The following USP24 variants were observed in gnomAD, a reference collection of about 807,000 sequenced individuals.
USP24 encodes the protein ubiquitin specific peptidase 24, also known as ubiquitin carboxyl-terminal hydrolase 24.
USP24 carries 97 observed loss-of-function variants against 361.6 expected under a neutral mutation model. The ratio of observed to expected loss-of-function variants is 0.27; its 90% CI spans 0.23 to 0.32. USP24 has a LOEUF of 0.32. USP24 is among the 10% of genes least tolerant of loss of function. The pLI is 1.00. For synonymous variants in USP24, 1,098 were observed against 1,124.6 expected (o/e 0.98, Z 0.47); for missense variants, 2,353 against 3,165.6 (o/e 0.74, Z 6.16).
chr1:55,157,385 T>G lies in USP24; in HGVS notation c.1228-15A>C. 1 of 1,399,506 alleles carries G rather than the reference T, an allele frequency of 7.1e-7. No individual in the cohort carries two copies. Among genetic ancestry groups the G allele is most frequent in the Non-Finnish European group, 9.9e-7 (1 of 1,011,804 alleles). The allele number at this position is 1,399,506 out of a possible 1,614,324, so 86.7% of individuals were successfully genotyped here. A position where few individuals can be genotyped will look rare whatever the true frequency, so the allele number is the denominator to read the frequency against. On this transcript the variant is annotated splice_polypyrimidine_tract_variant and intron_variant, in intron 10 of 67. Coordinates refer to ENST00000294383, the MANE Select transcript of USP24 (RefSeq NM_015306.3). ...AGTTTGGTTACCTAAAAAGATAAGA[T>G]TATTGTGACTGAGTCTAATATACAT...
intron 38 of USP24, among the ~76,000 whole-genome samples, chr1:55,113,211 TCC>T (rs1646006419): frequency 6.6e-6 from 1 of 151,924 alleles, no homozygotes; most frequent in Non-Finnish European, 1.5e-5. Flanking sequence ...TCACCACTGA[TCC>T]CACAGAAACA....
chr1:55,206,954 C>G (rs1326428802), intron 1 of USP24, among the ~76,000 whole-genome samples: 1 of 152,050 alleles, frequency 6.6e-6, no homozygotes, highest in African/African-American at 2.4e-5. Flanking sequence ...ATCGCCTGAG[C>G]TGAGGAGTTC....
intron 28 of USP24, 44 bp from the exon 29 acceptor site, chr1:55,134,457 T>C: frequency 6.6e-7 from 1 of 1,510,860 alleles, no homozygotes; most frequent in East Asian, 2.3e-5. Flanking sequence ...TACAAAAGAA[T>C]GTTCTCCTTT....
At position 55,215,281 on chromosome 1, in the gene USP24, T is replaced by C. The variant is rs1569865674; in HGVS notation, c.-168A>G. 6.6e-6 allele frequency among the ~76,000 whole-genome samples: 1 copy of C among 151,368 alleles called. No homozygotes were observed. The highest frequency in any genetic ancestry group is 6.6e-5 in the Admixed American group (1 of 15,240). ...GGGCCAGGCTGGGTGCGGGCTTGGG[T>C]CCTGCGAGCCGAGCTAGTGCGGTGA... is the stretch of plus-strand genomic sequence containing the variant. On this transcript the variant is annotated 5_prime_UTR_variant, in exon 1 of 68. Transcript: ENST00000294383.
chr1:55,079,802 A>ACAGAGTACTCACACAGAGTACTCG, intron 59 of USP24, 143 bp from the exon 60 acceptor site: 1 of 807,396 alleles, frequency 1.2e-6, no homozygotes, highest in Non-Finnish European at 1.7e-6. Flanking sequence ...CTGAGTACTC[A>ACAGAGTACTCACACAGAGTACTCG]CACACTGAGT....
chr1:55,171,750 G>A, intron 4 of USP24, 72 bp from the exon 5 acceptor site: 1 of 1,490,040 alleles, frequency 6.7e-7, no homozygotes, highest in South Asian at 1.3e-5. Flanking sequence ...TAGAAAAGAA[G>A]ATAAAAATAT....
At chr1:55,075,014 T>G (rs1007632706) in intron 63 of USP24, among the ~76,000 whole-genome samples, 3 of 152,162 alleles carry the variant, frequency 2.0e-5, no homozygotes, top group African/African-American at 7.2e-5. Flanking sequence ...CCAAACAACT[T>G]AAGAGTAGAC....
chr1:55,166,466 T>A, intron 6 of USP24, 102 bp downstream of exon 6: 1 of 1,084,998 alleles, frequency 9.2e-7, no homozygotes, highest in Non-Finnish European at 1.3e-6. Flanking sequence ...ATTTTTTTTA[T>A]TATTCTCTGC....
intron 8 of USP24, 127 bp from the exon 9 acceptor site, chr1:55,159,812 G>C: frequency 1.2e-6 from 1 of 805,596 alleles, no homozygotes; most frequent in Middle Eastern, 3.5e-4. Flanking sequence ...TCATATCAGA[G>C]CAGCTACTAA....
chr1:55,122,023 G>A (rs1646297108), intron 36 of USP24, among the ~76,000 whole-genome samples: 1 of 152,190 alleles, frequency 6.6e-6, no homozygotes, highest in Non-Finnish European at 1.5e-5. Context: ...CTACACATCA[G>A]ACAGTGTTTG....
intron 28 of USP24, among the ~76,000 whole-genome samples, chr1:55,136,450 T>G (rs368134569): frequency 5.3e-5 from 8 of 152,138 alleles, no homozygotes; most frequent in African/African-American, 1.9e-4. Context: ...ATCTGACTTA[T>G]GTTTAGTAAG....
chr1:55,089,733 T>C lies in USP24; in HGVS notation c.6562A>G (p.Thr2188Ala). ...LRTKKKLRVD[T>A]EEWIATIEAL... The stretch of plus-strand genomic sequence containing the variant: ...TCAATGGTAGCAATCCATTCTTCAG[T>C]ATCAACCCTTTAAAAAAAAGCAGAT... The change falls in exon 55 of 68, where the codon ACT becomes GCT. Residue 2188 changes from threonine (T) to alanine (A), a missense_variant. This residue lies in a region of USP24 where 598 missense variants were observed against 761.9 expected (regional missense o/e 0.78). Coordinates refer to ENST00000294383, the MANE Select transcript of USP24 (RefSeq NM_015306.3). 6.3e-7 allele frequency: 1 copy of C among 1,589,674 alleles called. No individual in the cohort carries two copies. Among genetic ancestry groups the C allele is most frequent in the South Asian group, 1.2e-5 (1 of 86,588 alleles).
chr1:55,143,749 G>C (rs1646952762), intron 21 of USP24, among the ~76,000 whole-genome samples: 1 of 152,016 alleles, frequency 6.6e-6, no homozygotes, highest in African/African-American at 2.4e-5. Context: ...TGTGATCCCA[G>C]GACGAAGACT....
Position 55,083,896 on chromosome 1 carries a change from G to A in USP24, c.6766-8C>T, listed in dbSNP as rs758510638. ...CTGATGAAGGCTTTTTAACTGGTTA[G>A]AGGAAAGATAAAATTACATGAAGAA... On this transcript the variant is annotated splice_region_variant and splice_polypyrimidine_tract_variant and intron_variant, in intron 56 of 67. Transcript: ENST00000294383. 88 of 1,566,134 alleles carry A rather than the reference G, an allele frequency of 5.6e-5. 3 individuals are homozygous for A. The Middle Eastern group carries it at 8.7e-3, about 154-fold the overall frequency.
chr1:55,141,878 T>A, intron 23 of USP24, 147 bp from the exon 24 acceptor site: 2 of 696,996 alleles, frequency 2.9e-6, no homozygotes, highest in Non-Finnish European at 4.9e-6. Context: ...TCTACCTACT[T>A]AGGGACCAGT....
chr1:55,172,584 T>G lies in USP24; in HGVS notation c.559-64A>C, dbSNP rs1649562241. 8 of 1,493,044 alleles carry G rather than the reference T, an allele frequency of 5.4e-6. No homozygotes were observed. The South Asian group carries it at 1.1e-4, about 21-fold the overall frequency. 92.5% of individuals were successfully genotyped at this position (1,493,044 alleles called of 1,614,324 possible). A position where few individuals can be genotyped will look rare whatever the true frequency, so the allele number is the denominator to read the frequency against. On this transcript the variant is annotated intron_variant, in intron 3 of 67. Transcript: ENST00000294383. ...AAAAAGAAAATAAATCTACAGTTTA[T>G]CAAGTCCATCTCAAATAAGTGAGAG...
chr1:55,102,336 C>G (rs1056586357), intron 42 of USP24, among the ~76,000 whole-genome samples: 1 of 152,118 alleles, frequency 6.6e-6, no homozygotes, highest in African/African-American at 2.4e-5. Context: ...TTTGAAATAA[C>G]ATAGACCCCA....
chr1:55,107,217 G>T, intron 40 of USP24, 22 bp downstream of exon 40: 1 of 1,599,208 alleles, frequency 6.3e-7, no homozygotes, highest in South Asian at 1.1e-5. Flanking sequence ...TCTGCCATGT[G>T]ATAAGATGGA....
At position 55,125,487 on chromosome 1, in the gene USP24, T is replaced by C. The variant is rs1243991835; in HGVS notation, c.3793A>G (p.Ile1265Val). 2 of 1,614,020 alleles carry C rather than the reference T, an allele frequency of 1.2e-6. No individual in the cohort carries two copies. The highest frequency in any genetic ancestry group is 1.7e-6 in the Non-Finnish European group (2 of 1,179,886). ...LLDEDLTKDG[I>V]EALSSRPFRN... is the part of the protein sequence containing the mutation. ...AATGGGCGGGAAGAAAGTGCTTCTATACCATCTTTGGTGAGGTCTTCATCT... is the reference window on the plus strand; with the variant it reads ...AATGGGCGGGAAGAAAGTGCTTCTACACCATCTTTGGTGAGGTCTTCATCT... The change falls in exon 34 of 68, where the codon ATA (isoleucine) becomes GTA (valine). Residue 1265 changes from isoleucine (I) to valine (V), a missense_variant. Ile to Val is a conservative substitution (Grantham distance 29). Coordinates refer to ENST00000294383, the MANE Select transcript of USP24 (RefSeq NM_015306.3).
Sources: gnomAD v4.1 joint callset for allele counts (sites outside exome capture counted in the v4.1 genomes callset) on GRCh38, gnomAD v4.1.1 for gene constraint, gnomAD v4.1.1 regional missense constraint, MANE v1.5 for transcripts, NCBI Gene and HGNC (gene_info 2026-07-23, HGNC 2026-07-21) for gene names.